Variants in PSMA2 observed in about 807,000 individuals in gnomAD.
PSMA2 encodes the protein proteasome 20S subunit alpha 2.
In PSMA2, 2 loss-of-function variants were observed where a neutral mutation model predicts 35.9. The observed-to-expected ratio is 0.06, with a 90% CI of 0.02 to 0.18. PSMA2 has a LOEUF of 0.18. PSMA2 is among the 10% of genes least tolerant of loss of function. The probability of loss-of-function intolerance (pLI) is 1.00; values close to 1 mark genes in which losing one functional copy is unlikely to be tolerated. For synonymous variants in PSMA2, 97 were observed against 98.2 expected, an observed-to-expected ratio of 0.99 and a Z score of 0.07; for missense variants, 126 against 278.8, an observed-to-expected ratio of 0.45 and a Z score of 3.90.
intron 3 of PSMA2, among the ~76,000 whole-genome samples, chr7:42,926,280 G>C (rs181130544): frequency 1.3e-5 from 2 of 152,334 alleles, no homozygotes; most frequent in Admixed American, 6.5e-5. Flanking sequence ...TGTCAGAAGA[G>C]AAAGTCCGCT....
At position 42,917,792 on chromosome 7, in the gene PSMA2, T is replaced by C. The variant is rs749845962; in HGVS notation, c.574A>G (p.Ile192Val). 1 of 1,610,774 alleles carries C rather than the reference T, an allele frequency of 6.2e-7. No individual in the cohort carries two copies. Among genetic ancestry groups the C allele is most frequent in the South Asian group, 1.1e-5 (1 of 90,500 alleles). ...LELEDAIHTAILTLKESFEGQ... is the reference protein window; with the variant it reads ...LELEDAIHTAVLTLKESFEGQ... ...ACTGAGCTAACCTTTAGGGTTAAGA[T>C]GGCTGTATGAATGGCATCTTCAAGT... Residue 192 changes from isoleucine to valine, a missense_variant, in exon 7 of 8, where the codon ATC becomes GTC. By Grantham distance (29) the Ile-to-Val change is conservative. This residue lies in a region of PSMA2 where 42 missense variants were observed against 83.6 expected (regional missense o/e 0.50). Coordinates refer to ENST00000223321, the MANE Select transcript of PSMA2 (RefSeq NM_002787.5).
At chr7:42,924,540 T>C in intron 4 of PSMA2, 135 bp downstream of exon 4, 1 of 915,586 alleles carries the variant, frequency 1.1e-6, no homozygotes, top group South Asian at 1.9e-5. Flanking sequence ...AGATCAGAAA[T>C]ATTCATCATA....
intron 4 of PSMA2, among the ~76,000 whole-genome samples, chr7:42,923,951 T>C (rs540486787): frequency 2.5e-4 from 38 of 152,338 alleles, no homozygotes; most frequent in Admixed American, 2.0e-3. Flanking sequence ...CAACTACCTA[T>C]ATGCTATCTC....
In PSMA2 at chr7:42,924,811, A is replaced by C. The variant is rs1348949707; in HGVS notation, c.252-14T>G. On this transcript the variant is annotated splice_polypyrimidine_tract_variant and intron_variant, in intron 3 of 7. Transcript: ENST00000223321. ...TGCACAAGCACTCTAACAAGGAAAA[A>C]ATAAGATTTAATTACACAGAACATG... 1 of 1,602,410 alleles carries C rather than the reference A, an allele frequency of 6.2e-7. No homozygotes were observed. Among genetic ancestry groups the C allele is most frequent in the Admixed American group, 1.7e-5 (1 of 59,026 alleles).
In PSMA2 at chr7:42,918,828, C is replaced by CT. The variant is rs200167403; in HGVS notation, c.531-994dup. Reference sequence around the variant, plus strand: ...CTTCAGTGGCATCATGCCTTAGGGGCTTTTTTTTCCCTCAAGACAGAATCT... The same window carrying CT: ...CTTCAGTGGCATCATGCCTTAGGGGCTTTTTTTTTCCCTCAAGACAGAATCT... On this transcript the variant is annotated intron_variant, in intron 6 of 7. Coordinates refer to ENST00000223321, the MANE Select transcript of PSMA2 (RefSeq NM_002787.5). 8.8e-3 allele frequency: 1,434 copies of CT among 163,092 alleles called. 6 individuals are homozygous for CT. The highest frequency in any genetic ancestry group is 0.013 in the Non-Finnish European group (997 of 75,298). The allele number at this position is 163,092 out of a possible 1,614,324, so 10.1% of individuals were successfully genotyped here.
intron 1 of PSMA2, among the ~76,000 whole-genome samples, chr7:42,928,058 C>G (rs186227613): frequency 1.4e-4 from 21 of 152,284 alleles, no homozygotes; most frequent in Non-Finnish European, 1.8e-4. Context: ...CCTAAGTTTT[C>G]TATGCCTGTT....
chr7:42,926,617 T>A lies in PSMA2; in HGVS notation c.170A>T (p.Tyr57Phe), dbSNP rs1786221261. 5 of 1,612,512 alleles carry A rather than the reference T, an allele frequency of 3.1e-6. No individual in the cohort carries two copies. The highest frequency in any genetic ancestry group is 4.2e-6 in the Non-Finnish European group (5 of 1,179,566). ...TACTTTGTGTACACTTCGCTCATCA[T>A]ACAGAATGGATTTCTGTTTTTTCTC... ...ATEKKQKSIL[Y>F]DERSVHKVEP... Residue 57 changes from tyrosine to phenylalanine, a missense_variant, in exon 3 of 8, where the codon TAT (tyrosine) becomes TTT (phenylalanine). Physicochemically the swap from Tyr to Phe is conservative, Grantham distance 22 (BLOSUM62 3). Coordinates refer to ENST00000223321, the MANE Select transcript of PSMA2 (RefSeq NM_002787.5).
chr7:42,920,758 A>G (rs1263186389), intron 6 of PSMA2: 3 of 152,242 alleles, frequency 2.0e-5, no homozygotes, highest in African/African-American at 7.2e-5. Flanking sequence ...ACGTTACGTG[A>G]AAAATGTACT....
intron 6 of PSMA2, 127 bp from the exon 7 acceptor site, chr7:42,917,962 T>C (rs1786059990): frequency 1.6e-6 from 1 of 639,784 alleles, no homozygotes; most frequent in African/African-American, 1.8e-5. Flanking sequence ...TTACACATTC[T>C]TTTAATCACC....
At position 42,924,353 on chromosome 7, in the gene PSMA2, CAAAAAAAAAAAAAAAA is replaced by C. The variant is rs58198756; in HGVS notation, c.374+306_374+321del. 1.8e-3 allele frequency among the ~76,000 whole-genome samples: 122 copies of C among 69,434 alleles called. 1 individual carries two copies. Among genetic ancestry groups the C allele is most frequent in the Non-Finnish European group, 2.4e-3 (101 of 41,520 alleles). 45.6% of individuals were successfully genotyped at this position (69,434 alleles called of 152,430 possible). ...TGGGCGACAGAGTGAGACTCTGACT[CAAAAAAAAAAAAAAAA>C]AAAAAAAAAAGAAAAATTTAAAGTT... On this transcript the variant is annotated intron_variant, in intron 4 of 7. Transcript: ENST00000223321.
At chr7:42,925,304 T>C (rs900116208) in intron 3 of PSMA2, among the ~76,000 whole-genome samples, 3 of 152,122 alleles carry the variant, frequency 2.0e-5, no homozygotes, top group Non-Finnish European at 4.4e-5. Context: ...AGGTGCAGTG[T>C]TTCACGCCTG....
At chr7:42,924,647 C>A in intron 4 of PSMA2, 28 bp downstream of exon 4, 1 of 1,597,190 alleles carries the variant, frequency 6.3e-7, no homozygotes. Context: ...CAATTCATGG[C>A]ACATTTCAAG....
rs777269925 is a variant in PSMA2 at position 42,932,076 on chromosome 7, CA to C, written c.41+41del. 28 of 1,613,046 alleles carry C rather than the reference CA, an allele frequency of 1.7e-5. No homozygotes were observed. In the African/African-American group the frequency reaches 3.5e-4, roughly 20 times the overall value. The stretch of plus-strand genomic sequence containing the variant: ...AAAAACTAAATCGACAGAGTACCAG[CA>C]ACCTCGACTACGCTGAAGACCTCGA... On this transcript the variant is annotated intron_variant, in intron 1 of 7. Coordinates refer to ENST00000223321, the MANE Select transcript of PSMA2 (RefSeq NM_002787.5).
chr7:42,925,846 G>A (rs759872042), intron 3 of PSMA2, among the ~76,000 whole-genome samples: 15 of 152,270 alleles, frequency 9.9e-5, no homozygotes, highest in Admixed American at 3.9e-4. Context: ...ACCTTGTTGC[G>A]TTGATTCACT....
chr7:42,927,916 A>AG (rs2128674736), intron 1 of PSMA2, among the ~76,000 whole-genome samples: 1 of 151,626 alleles, frequency 6.6e-6, no homozygotes, highest in Non-Finnish European at 1.5e-5. Flanking sequence ...CAAAAAAAAA[A>AG]AGAGAAAGAC....
intron 6 of PSMA2, 95 bp from the exon 7 acceptor site, chr7:42,917,930 T>C (rs1786059333): frequency 6.0e-6 from 5 of 827,680 alleles, no homozygotes; most frequent in Non-Finnish European, 9.3e-6. Context: ...TTTAAAACTC[T>C]AAACATCTTA....
chr7:42,921,744 T>G, intron 6 of PSMA2, 114 bp downstream of exon 6: 1 of 761,436 alleles, frequency 1.3e-6, no homozygotes, highest in East Asian at 2.6e-5. Flanking sequence ...ACTAGATTCA[T>G]ATACAGAGTA....
intron 6 of PSMA2, chr7:42,919,424 T>C (rs1786088557): frequency 3.6e-6 from 2 of 554,442 alleles, no homozygotes; most frequent in East Asian, 4.7e-5. Flanking sequence ...TTTGCATATA[T>C]GACTTGAACA....
chr7:42,931,988 C>T, intron 1 of PSMA2, 130 bp downstream of exon 1: 1 of 1,242,208 alleles, frequency 8.1e-7, no homozygotes, highest in Non-Finnish European at 1.2e-6. Flanking sequence ...TTTGCAAAGC[C>T]GCATTTCCAA....
Sources: gnomAD v4.1 joint callset for allele counts (sites outside exome capture counted in the v4.1 genomes callset) on GRCh38, gnomAD v4.1.1 for gene constraint, gnomAD v4.1.1 regional missense constraint, MANE v1.5 for transcripts, NCBI Gene and HGNC (gene_info 2026-07-23, HGNC 2026-07-21) for gene names.